The following MRTFB variants were observed in gnomAD, a reference collection of about 807,000 sequenced individuals.
MRTFB encodes the protein myocardin related transcription factor B.
In MRTFB, 29 loss-of-function variants were observed where a neutral mutation model predicts 104.2. The ratio of observed to expected loss-of-function variants is 0.28; its 90% CI spans 0.21 to 0.38. The LOEUF is 0.38. MRTFB is among the 10% of genes least tolerant of loss of function. MRTFB has a pLI of 1.00. For missense variants in MRTFB, 1,270 were observed against 1,341.6 expected (o/e 0.95, Z 0.83); for synonymous variants, 535 against 519.5 (o/e 1.03, Z -0.41).
rs1446068716 is a variant in MRTFB, at chr16:14,219,006, C to T, written c.693+8C>T. 2.5e-6 allele frequency: 4 copies of T among 1,595,468 alleles called. No individual in the cohort carries two copies. In the South Asian group the frequency reaches 4.5e-5, roughly 18 times the overall value. The stretch of plus-strand genomic sequence containing the variant: ...ACAAACACTCCAGCGCAGGTATTAT[C>T]TTTCTGGTTTTGACCCCTAAAGAAA... On this transcript the variant is annotated splice_region_variant and intron_variant, in intron 8 of 16. Coordinates refer to ENST00000571589, the MANE Select transcript of MRTFB (RefSeq NM_001308142.2).
chr16:14,079,938 G>A (rs879310900), intron 2 of MRTFB, among the ~76,000 whole-genome samples: 2 of 152,096 alleles, frequency 1.3e-5, no homozygotes, highest in Admixed American at 6.5e-5. Flanking sequence ...TGGTTTGCCT[G>A]TATATAGTAG....
chr16:14,036,151 A>G, the MRTFB span, among the ~76,000 whole-genome samples: 2 of 122,700 alleles, frequency 1.6e-5, no homozygotes, highest in African/African-American at 3.1e-5. Flanking sequence ...TATATATAAT[A>G]TATATTATAT....
intron 5 of MRTFB, among the ~76,000 whole-genome samples, chr16:14,213,083 C>T (rs1457371827): frequency 6.6e-6 from 1 of 152,106 alleles, no homozygotes; most frequent in Non-Finnish European, 1.5e-5. Context: ...TGTATGAAGG[C>T]TTTCTTCCTT....
chr16:14,205,695 A>T (rs1597245157), intron 3 of MRTFB, among the ~76,000 whole-genome samples: 2 of 152,212 alleles, frequency 1.3e-5, no homozygotes, highest in East Asian at 3.8e-4. Context: ...TTTGTTTCTG[A>T]AAGGATGTAC....
intron 3 of MRTFB, among the ~76,000 whole-genome samples, chr16:14,181,371 A>G (rs1285134602): frequency 6.6e-6 from 1 of 152,184 alleles, no homozygotes; most frequent in Non-Finnish European, 1.5e-5. Context: ...CGTGTACCCT[A>G]GACTGAAATT....
intron 1 of MRTFB, among the ~76,000 whole-genome samples, chr16:14,072,283 A>C (rs527866513): frequency 6.6e-6 from 1 of 152,290 alleles, no homozygotes; most frequent in East Asian, 1.9e-4. Context: ...CTCCCTACAC[A>C]CATCCTTGAA....
the MRTFB span, among the ~76,000 whole-genome samples, chr16:14,057,783 G>A: frequency 1.3e-5 from 2 of 152,192 alleles, no homozygotes; most frequent in Non-Finnish European, 2.9e-5. Context: ...CTAAGGCAAG[G>A]CAAGATTGGC....
chr16:14,050,505 C>G, the MRTFB span, among the ~76,000 whole-genome samples: 1 of 152,136 alleles, frequency 6.6e-6, no homozygotes, highest in Non-Finnish European at 1.5e-5. Flanking sequence ...TGTAATCCTA[C>G]TACTCCACAG....
chr16:14,039,484 G>GTACC, the MRTFB span, among the ~76,000 whole-genome samples: 1 of 152,140 alleles, frequency 6.6e-6, no homozygotes, highest in Non-Finnish European at 1.5e-5. Flanking sequence ...AAGGATCACT[G>GTACC]AGGGCCATCT....
chr16:14,016,336 A>G, the MRTFB span, among the ~76,000 whole-genome samples: 2 of 151,572 alleles, frequency 1.3e-5, no homozygotes, highest in Non-Finnish European at 2.9e-5. Flanking sequence ...AAAAAATGAC[A>G]TGGAACTTGC....
chr16:14,038,440 C>T, the MRTFB span, among the ~76,000 whole-genome samples: 4 of 152,106 alleles, frequency 2.6e-5, no homozygotes, highest in East Asian at 7.7e-4. Context: ...GTATGTGCTC[C>T]TGTGGTGGTG....
intron 3 of MRTFB, chr16:14,153,260 C>G (rs2038704695): frequency 6.6e-6 from 1 of 152,116 alleles, no homozygotes; most frequent in African/African-American, 2.4e-5. Flanking sequence ...TACTGTTTCT[C>G]TCAAGCCAAG....
intron 10 of MRTFB, among the ~76,000 whole-genome samples, chr16:14,243,076 C>T (rs149254053): frequency 2.6e-5 from 4 of 151,818 alleles, no homozygotes; most frequent in African/African-American, 7.2e-5. Flanking sequence ...AAGGCTCTTT[C>T]GGGGGACAAT....
chr16:14,227,436 G>A (rs1402801498), intron 8 of MRTFB, among the ~76,000 whole-genome samples: 1 of 152,162 alleles, frequency 6.6e-6, no homozygotes, highest in Non-Finnish European at 1.5e-5. Flanking sequence ...GCACATGCTG[G>A]TGCCACGCAT....
chr16:14,196,738 G>A lies in MRTFB; in HGVS notation c.155-13505G>A, dbSNP rs565429667. Among the ~76,000 whole-genome samples, 147 of 152,320 alleles carry A rather than the reference G, an allele frequency of 9.7e-4. No homozygotes were observed. The Middle Eastern group carries it at 0.014, about 14-fold the overall frequency. On this transcript the variant is annotated intron_variant, in intron 3 of 16. Transcript: ENST00000571589. ...GGAGCTCTGCTTTTGTTTCAGACAG[G>A]AAGTGCTGGTGGAAGTTTGCTTACC...
At chr16:14,211,147 T>C (rs557223929) in intron 4 of MRTFB, among the ~76,000 whole-genome samples, 16 of 152,356 alleles carry the variant, frequency 1.1e-4, no homozygotes, top group Admixed American at 6.5e-5. Flanking sequence ...TTTTTCTCTT[T>C]AGTAGATATT....
At chr16:14,011,771 C>A in the MRTFB span, among the ~76,000 whole-genome samples, 2 of 152,222 alleles carry the variant, frequency 1.3e-5, no homozygotes, top group Middle Eastern at 6.8e-3. Flanking sequence ...ACTGGGGAGG[C>A]TGAAGCAGAA....
At chr16:14,053,838 T>C in the MRTFB span, among the ~76,000 whole-genome samples, 2 of 152,016 alleles carry the variant, frequency 1.3e-5, no homozygotes, top group Non-Finnish European at 2.9e-5. Flanking sequence ...CAGTGAGCTA[T>C]GATTGTGCCA....
At chr16:14,183,956 A>C (rs1252957117) in intron 3 of MRTFB, among the ~76,000 whole-genome samples, 3 of 151,850 alleles carry the variant, frequency 2.0e-5, no homozygotes, top group Non-Finnish European at 4.4e-5. Context: ...ACACACACAG[A>C]TATGGTAAAG....
Sources: gnomAD v4.1 joint callset for allele counts (sites outside exome capture counted in the v4.1 genomes callset) on GRCh38, gnomAD v4.1.1 for gene constraint, MANE v1.5 for transcripts, NCBI Gene and HGNC (gene_info 2026-07-23, HGNC 2026-07-21) for gene names.